BRINP1: variants seen among roughly 807,000 people sequenced by gnomAD.
The protein encoded by BRINP1 is BMP/retinoic acid inducible neural specific 1.
A neutral mutation model predicts 72.9 loss-of-function variants in BRINP1; 17 were observed. The observed-to-expected ratio is 0.23, with a 90% CI of 0.16 to 0.35. The LOEUF (loss-of-function observed/expected upper bound fraction) is 0.35, where lower values mean the gene tolerates loss of function less well. Among genes scored for constraint, BRINP1 ranks in the 10% least tolerant of loss-of-function variants. BRINP1 has a pLI of 1.00. For synonymous variants in BRINP1, 418 were observed against 378.5 expected, an observed-to-expected ratio of 1.10 and a Z score of -1.21; for missense variants, 850 against 1,001.6, an observed-to-expected ratio of 0.85 and a Z score of 2.04.
intron 2 of BRINP1, among the ~76,000 whole-genome samples, chr9:119,300,419 C>A (rs1289321528): frequency 6.6e-6 from 1 of 152,014 alleles, no homozygotes; most frequent in Non-Finnish European, 1.5e-5. Flanking sequence ...GTGATGGATA[C>A]CCCATTTACC....
chr9:119,361,336 ATC>A (rs922136421), intron 1 of BRINP1, among the ~76,000 whole-genome samples: 4 of 151,960 alleles, frequency 2.6e-5, no homozygotes, highest in African/African-American at 9.7e-5. Context: ...CTGTCTATGG[ATC>A]TCTAGGCAGT....
At position 119,167,359 on chromosome 9, in the gene BRINP1, T is replaced by C. The variant is rs1400997671; in HGVS notation, c.2011A>G (p.Ser671Gly). 2 of 1,614,122 alleles carry C rather than the reference T, an allele frequency of 1.2e-6. No individual in the cohort carries two copies. Among genetic ancestry groups the C allele is most frequent in the Admixed American group, 1.7e-5 (1 of 60,022 alleles). ...SLRFNADLLR[S>G]AVQQVNQSYT... ...GACTGGTTGACCTGCTGCACTGCAC[T>C]GCGCAGGAGGTCGGCGTTGAACCTC... is the stretch of plus-strand genomic sequence containing the variant. The change falls in exon 8 of 8, where the codon AGT becomes GGT. Residue 671 changes from serine (S) to glycine (G), a missense_variant. Transcript: ENST00000265922. This position sits in a 1 kb window ranked among gnomAD's most constrained non-coding sequence, Gnocchi z 4.3.
intron 2 of BRINP1, among the ~76,000 whole-genome samples, chr9:119,285,386 T>C (rs1464285318): frequency 6.6e-6 from 1 of 152,132 alleles, no homozygotes; most frequent in Non-Finnish European, 1.5e-5. Context: ...ACTGAGTAAT[T>C]TGATTCAACC....
chr9:119,294,580 GA>G (rs1233186059), intron 2 of BRINP1, among the ~76,000 whole-genome samples: 5 of 151,314 alleles, frequency 3.3e-5, no homozygotes, highest in African/African-American at 1.2e-4. Flanking sequence ...AAAAGACACA[GA>G]AAGGCTGGGT....
chr9:119,331,193 A>T (rs11791330), intron 1 of BRINP1, among the ~76,000 whole-genome samples: 13,629 of 152,220 alleles, frequency 0.09, 674 homozygotes, highest in Non-Finnish European at 0.1. Context: ...CAAGAAAGCA[A>T]GGCTTTGCTA....
chr9:119,350,733 T>C (rs921728897), intron 1 of BRINP1, among the ~76,000 whole-genome samples: 2 of 152,100 alleles, frequency 1.3e-5, no homozygotes, highest in Non-Finnish European at 2.9e-5. Flanking sequence ...GTACTAGCCC[T>C]GGCCGGCTCA....
chr9:119,228,824 T>C (rs773755996), intron 5 of BRINP1, among the ~76,000 whole-genome samples: 5 of 152,090 alleles, frequency 3.3e-5, no homozygotes, highest in Admixed American at 6.6e-5. Context: ...AGAAAGGGAA[T>C]TTGGGACCCC....
intron 7 of BRINP1, among the ~76,000 whole-genome samples, chr9:119,169,580 G>T (rs889258355): frequency 6.6e-6 from 1 of 152,230 alleles, no homozygotes; most frequent in East Asian, 1.9e-4. Context: ...GCCCAGGCTT[G>T]ATTAGGTAAA....
At chr9:119,319,997 G>A (rs1376916662) in intron 1 of BRINP1, among the ~76,000 whole-genome samples, 2 of 152,194 alleles carry the variant, frequency 1.3e-5, no homozygotes, top group African/African-American at 2.4e-5. Context: ...GAAGTCCAAC[G>A]GAGGAATGGA....
At chr9:119,227,789 G>C (rs552604038) in intron 5 of BRINP1, among the ~76,000 whole-genome samples, 9 of 151,966 alleles carry the variant, frequency 5.9e-5, no homozygotes, top group African/African-American at 2.2e-4. Flanking sequence ...AGAGGAGGGG[G>C]CTTTAGAAAA....
intron 1 of BRINP1, among the ~76,000 whole-genome samples, chr9:119,338,322 G>C (rs1831369807): frequency 7.0e-6 from 1 of 142,592 alleles, no homozygotes; most frequent in Admixed American, 7.3e-5. Context: ...CATTGACCAT[G>C]CATCATGCAT....
chr9:119,306,961 G>A (rs1303950809), intron 2 of BRINP1, among the ~76,000 whole-genome samples: 1 of 151,854 alleles, frequency 6.6e-6, no homozygotes, highest in East Asian at 1.9e-4. Context: ...CAAAATCTAA[G>A]ACCATTTATT....
At chr9:119,200,879 G>T (rs1403341255) in intron 7 of BRINP1, among the ~76,000 whole-genome samples, 1 of 151,984 alleles carries the variant, frequency 6.6e-6, no homozygotes, top group Non-Finnish European at 1.5e-5. Flanking sequence ...TCAAGCAGAA[G>T]GAGCAGCCCA....
chr9:119,268,191 C>T (rs1484939534), intron 2 of BRINP1, among the ~76,000 whole-genome samples: 1 of 151,800 alleles, frequency 6.6e-6, no homozygotes, highest in Non-Finnish European at 1.5e-5. Context: ...TGCAGTGAGC[C>T]AAGATCACAT....
chr9:119,207,754 G>A (rs991323264), intron 7 of BRINP1, among the ~76,000 whole-genome samples: 5 of 152,198 alleles, frequency 3.3e-5, no homozygotes, highest in African/African-American at 1.2e-4. Flanking sequence ...CACAGGGTAT[G>A]CTAGGTGAAT....
At chr9:119,237,284 T>C (rs1014099670) in intron 5 of BRINP1, among the ~76,000 whole-genome samples, 1 of 151,982 alleles carries the variant, frequency 6.6e-6, no homozygotes, top group Non-Finnish European at 1.5e-5. Flanking sequence ...CTAAAATACA[T>C]CATCGGTAAC....
At chr9:119,183,793 G>C (rs999276153) in intron 7 of BRINP1, among the ~76,000 whole-genome samples, 1 of 152,144 alleles carries the variant, frequency 6.6e-6, no homozygotes, top group Non-Finnish European at 1.5e-5. Flanking sequence ...GCTGGGTTGA[G>C]AGAGTATCAT....
intron 1 of BRINP1, among the ~76,000 whole-genome samples, chr9:119,363,681 C>A (rs1221601523): frequency 2.0e-5 from 3 of 152,214 alleles, no homozygotes; most frequent in African/African-American, 4.8e-5. Context: ...TGAAAACAAA[C>A]AAGGCCATGG....
intron 6 of BRINP1, among the ~76,000 whole-genome samples, chr9:119,210,024 C>T (rs923691916): frequency 6.6e-6 from 1 of 152,220 alleles, no homozygotes; most frequent in African/African-American, 2.4e-5. Flanking sequence ...CAACTTGGCA[C>T]ATCCATAGAA....
Sources: allele counts gnomAD v4.1 joint callset (sites outside exome capture counted in the v4.1 genomes callset), GRCh38; gene constraint gnomAD v4.1.1; non-coding constraint Gnocchi (gnomAD v3.1); transcripts MANE v1.5; gene names NCBI Gene and HGNC (gene_info 2026-07-23, HGNC 2026-07-21).